The following CDH11 variants were observed in gnomAD, a reference collection of about 807,000 sequenced individuals.
CDH11 encodes cadherin-11.
CDH11 carries 11 observed loss-of-function variants against 67.8 expected under a neutral mutation model. That is an observed-to-expected ratio of 0.16 (90% CI 0.10 to 0.27). CDH11 has a LOEUF of 0.27. Among genes scored for constraint, CDH11 ranks in the 10% least tolerant of loss-of-function variants. CDH11 has a pLI of 1.00. For synonymous variants in CDH11, 419 were observed against 400.0 expected, an observed-to-expected ratio of 1.05 and a Z score of -0.57; for missense variants, 847 against 1,031.2, an observed-to-expected ratio of 0.82 and a Z score of 2.45.
chr16:65,053,919 A>G lies in CDH11; in HGVS notation c.-288T>C, dbSNP rs1022956030. ...GTCACAGGGCCGCTGAGCTGAAAAC[A>G]CAGTGATTTCTGCAAAAAGTGAAAG... On this transcript the variant is annotated 5_prime_UTR_variant, in exon 2 of 13. Coordinates refer to ENST00000268603, the MANE Select transcript of CDH11 (RefSeq NM_001797.4). 1 of 455,926 alleles carries G rather than the reference A, an allele frequency of 2.2e-6. No homozygotes were observed. The highest frequency in any genetic ancestry group is 2.0e-5 in the African/African-American group (1 of 50,082). 28.2% of individuals were successfully genotyped at this position (455,926 alleles called of 1,614,324 possible).
In CDH11 at chr16:64,991,941, C is replaced by G; in HGVS notation, c.644-6G>C. The stretch of plus-strand genomic sequence containing the variant: ...TAGGGCTGTTCTGATGATACCTGGA[C>G]AGGTAAGCAGGCAACATCACAGATA... On this transcript the variant is annotated splice_polypyrimidine_tract_variant and splice_region_variant and intron_variant, in intron 5 of 12. Coordinates refer to ENST00000268603, the MANE Select transcript of CDH11 (RefSeq NM_001797.4). The G allele has an allele frequency of 2.5e-6, 4 of 1,584,934 alleles. No individual in the cohort carries two copies. The highest frequency in any genetic ancestry group is 3.5e-6 in the Non-Finnish European group (4 of 1,157,712).
chr16:64,944,755 G>A lies in CDH11; in HGVS notation c.*2848C>T, dbSNP rs1249840760. ...AATAACTTAGCTAAACCCAAGATCT[G>A]TCCAGAATTGCCACAGCTGGCCTAA... On this transcript the variant is annotated 3_prime_UTR_variant, in exon 13 of 13. Transcript: ENST00000268603. 4.3e-6 allele frequency: 1 copy of A among 231,262 alleles called. No homozygotes were observed. The highest frequency in any genetic ancestry group is 8.6e-6 in the Non-Finnish European group (1 of 116,858). 14.3% of individuals were successfully genotyped at this position (231,262 alleles called of 1,614,324 possible).
chr16:65,048,106 A>T (rs1318227178), intron 2 of CDH11, among the ~76,000 whole-genome samples: 4 of 152,220 alleles, frequency 2.6e-5, no homozygotes. Flanking sequence ...AGCCTAACAT[A>T]GGGATGGTTC....
At chr16:65,065,011 A>G (rs2074290914) in intron 1 of CDH11, among the ~76,000 whole-genome samples, 1 of 152,164 alleles carries the variant, frequency 6.6e-6, no homozygotes, top group Non-Finnish European at 1.5e-5. Flanking sequence ...TGCCTCCAGC[A>G]TCCCAGGGTC....
At chr16:65,037,866 T>C (rs2073785238) in intron 2 of CDH11, among the ~76,000 whole-genome samples, 2 of 151,422 alleles carry the variant, frequency 1.3e-5, no homozygotes, top group Non-Finnish European at 2.9e-5. Context: ...CAGTAGGAGG[T>C]AGATAAAAGA....
intron 3 of CDH11, among the ~76,000 whole-genome samples, chr16:65,002,732 G>A (rs1475006508): frequency 1.3e-5 from 2 of 152,072 alleles, no homozygotes; most frequent in Non-Finnish European, 2.9e-5. Flanking sequence ...GAAATCAGTA[G>A]GGTTCAGAAA....
At chr16:64,970,712 C>T (rs893737811) in intron 11 of CDH11, among the ~76,000 whole-genome samples, 1 of 152,174 alleles carries the variant, frequency 6.6e-6, no homozygotes, top group Admixed American at 6.5e-5. Flanking sequence ...AACCTATGGC[C>T]TAGTACCTGG....
At chr16:65,077,650 A>G (rs768226268) in intron 1 of CDH11, among the ~76,000 whole-genome samples, 1 of 152,242 alleles carries the variant, frequency 6.6e-6, no homozygotes, top group African/African-American at 2.4e-5. Flanking sequence ...AAGGAAACAT[A>G]CAGGTTTTAC....
Position 64,947,376 on chromosome 16 carries a change from A to G in CDH11, c.*227T>C, listed in dbSNP as rs1324706288. 20 of 1,272,308 alleles carry G rather than the reference A, an allele frequency of 1.6e-5. No individual in the cohort carries two copies. Among genetic ancestry groups the G allele is most frequent in the Non-Finnish European group, 2.0e-5 (20 of 1,008,500 alleles). The allele number at this position is 1,272,308 out of a possible 1,614,324, so 78.8% of individuals were successfully genotyped here. A position where few individuals can be genotyped will look rare whatever the true frequency, so the allele number is the denominator to read the frequency against. On this transcript the variant is annotated 3_prime_UTR_variant, in exon 13 of 13. Transcript: ENST00000268603. ...TGTATGCCAAGTGTTTTTTTTTTCTAGCGAAGTTGATAAACAACTTCAATA... is the reference window on the plus strand; with the variant it reads ...TGTATGCCAAGTGTTTTTTTTTTCTGGCGAAGTTGATAAACAACTTCAATA...
intron 1 of CDH11, among the ~76,000 whole-genome samples, chr16:65,071,039 C>T (rs1038686875): frequency 2.0e-5 from 3 of 152,110 alleles, no homozygotes; most frequent in Non-Finnish European, 2.9e-5. Context: ...CGTCACTGTC[C>T]GACTGAACTC....
chr16:64,978,886 C>T (rs555958122), intron 8 of CDH11, among the ~76,000 whole-genome samples: 74 of 151,750 alleles, frequency 4.9e-4, no homozygotes, highest in Non-Finnish European at 9.7e-4. Context: ...ATTATTTCAT[C>T]ATAGACATTA....
intron 1 of CDH11, among the ~76,000 whole-genome samples, chr16:65,115,804 G>C (rs1251391758): frequency 2.6e-5 from 4 of 151,422 alleles, no homozygotes; most frequent in African/African-American, 9.7e-5. Context: ...GCCAGGTACA[G>C]TGGCTCACAT....
At chr16:65,010,179 G>T (rs986485098) in intron 2 of CDH11, among the ~76,000 whole-genome samples, 13 of 152,108 alleles carry the variant, frequency 8.5e-5, no homozygotes, top group African/African-American at 2.9e-4. Context: ...ATTACATTAA[G>T]AATATTACCA....
chr16:65,054,596 C>T (rs1005198184), intron 1 of CDH11, among the ~76,000 whole-genome samples: 1 of 152,160 alleles, frequency 6.6e-6, no homozygotes, highest in Admixed American at 6.5e-5. Flanking sequence ...ATGTCTAACA[C>T]ATTTCCTAGC....
At chr16:64,954,116 T>C (rs911349726) in intron 11 of CDH11, among the ~76,000 whole-genome samples, 8 of 152,190 alleles carry the variant, frequency 5.3e-5, no homozygotes, top group Non-Finnish European at 1.2e-4. Flanking sequence ...GGGCATGACA[T>C]TGGCACATGA....
At chr16:65,074,375 C>T (rs1377646989) in intron 1 of CDH11, among the ~76,000 whole-genome samples, 1 of 152,208 alleles carries the variant, frequency 6.6e-6, no homozygotes, top group African/African-American at 2.4e-5. Flanking sequence ...ACTCAGGGTT[C>T]ACACCCAGCC....
At chr16:64,994,833 C>G (rs1479265803) in intron 4 of CDH11, among the ~76,000 whole-genome samples, 1 of 152,160 alleles carries the variant, frequency 6.6e-6, no homozygotes, top group East Asian at 1.9e-4. Context: ...CCAAAAGGCT[C>G]TTAGAACTGA....
At chr16:65,013,276 T>G (rs917278909) in intron 2 of CDH11, among the ~76,000 whole-genome samples, 3 of 152,138 alleles carry the variant, frequency 2.0e-5, no homozygotes, top group Non-Finnish European at 4.4e-5. Context: ...GTCTTTAGAT[T>G]CCAGTATTAG....
chr16:65,090,024 T>C (rs1597180786), intron 1 of CDH11, among the ~76,000 whole-genome samples: 1 of 152,182 alleles, frequency 6.6e-6, no homozygotes, highest in African/African-American at 2.4e-5. Context: ...CCCCCTAAGT[T>C]GTCACTAAAT....
Sources: gnomAD v4.1 joint callset for allele counts (sites outside exome capture counted in the v4.1 genomes callset) on GRCh38, gnomAD v4.1.1 for gene constraint, MANE v1.5 for transcripts, NCBI Gene and HGNC (gene_info 2026-07-23, HGNC 2026-07-21) for gene names.